Variants in SMYD3 observed in about 807,000 individuals in gnomAD.
The protein encoded by SMYD3 is histone-lysine N-methyltransferase SMYD3.
Under a neutral mutation model 57.7 loss-of-function variants are expected in SMYD3, and 36 were observed. That is an observed-to-expected ratio of 0.62 (90% confidence interval 0.48 to 0.82). The LOEUF (loss-of-function observed/expected upper bound fraction) is 0.82, where lower values mean the gene tolerates loss of function less well. Ranked by LOEUF, SMYD3 falls within the 40% of genes least tolerant of loss-of-function variation. The probability of loss-of-function intolerance (pLI) is 0.00; values close to 1 mark genes in which losing one functional copy is unlikely to be tolerated. For missense variants in SMYD3, 515 were observed against 538.8 expected (o/e 0.96, Z 0.44); for synonymous variants, 211 against 195.0 (o/e 1.08, Z -0.68).
chr1:245,774,390 G>A (rs1424112057), intron 10 of SMYD3, among the ~76,000 whole-genome samples: 1 of 152,164 alleles, frequency 6.6e-6, no homozygotes, highest in African/African-American at 2.4e-5. Context: ...GTTGCAGAGT[G>A]GAAGCTGAAA....
chr1:245,812,837 G>A (rs777352809), intron 10 of SMYD3, among the ~76,000 whole-genome samples: 7 of 151,834 alleles, frequency 4.6e-5, no homozygotes, highest in Non-Finnish European at 1.0e-4. Context: ...TCAGGATATA[G>A]TCATGAATAC....
chr1:246,009,414 T>TG lies in SMYD3; in HGVS notation c.532-79478dup, dbSNP rs1426892866. Among the ~76,000 whole-genome samples the TG allele has an allele frequency of 9.2e-5, 14 of 152,248 alleles. 1 individual carries two copies. Among genetic ancestry groups the TG allele is most frequent in the African/African-American group, 3.1e-4 (13 of 41,466 alleles). ...TACAATCCTAACTTTAATGCATTTT[T>TG]GTCTAAACTAAGAGTCTTCACATTT... is the stretch of plus-strand genomic sequence containing the variant. On this transcript the variant is annotated intron_variant, in intron 5 of 11. Transcript: ENST00000490107.
chr1:246,053,624 C>T (rs1218263013), intron 5 of SMYD3, among the ~76,000 whole-genome samples: 1 of 151,928 alleles, frequency 6.6e-6, no homozygotes, highest in African/African-American at 2.4e-5. Context: ...ATCAAGAAAA[C>T]CCTTATGCCA....
At chr1:245,878,066 G>T (rs2052583125) in intron 8 of SMYD3, among the ~76,000 whole-genome samples, 1 of 148,178 alleles carries the variant, frequency 6.7e-6, no homozygotes, top group African/African-American at 2.4e-5. Context: ...TGGCATCAAT[G>T]GGGAAGAGAC....
intron 8 of SMYD3, among the ~76,000 whole-genome samples, chr1:245,894,123 G>T (rs1022151868): frequency 2.6e-5 from 4 of 152,196 alleles, no homozygotes; most frequent in African/African-American, 9.7e-5. Flanking sequence ...CTTACAAGGG[G>T]ATTGTAAAAT....
chr1:246,407,960 T>G (rs565556732), intron 1 of SMYD3, among the ~76,000 whole-genome samples: 2 of 151,974 alleles, frequency 1.3e-5, no homozygotes, highest in African/African-American at 2.4e-5. Flanking sequence ...GCTCATTCAG[T>G]GTAAATGAAG....
At chr1:246,375,174 T>TA (rs1463996271) in intron 1 of SMYD3, among the ~76,000 whole-genome samples, 2 of 152,118 alleles carry the variant, frequency 1.3e-5, no homozygotes, top group Non-Finnish European at 2.9e-5. Context: ...AGGTGACAAA[T>TA]ATGTTGTGAC....
intron 1 of SMYD3, among the ~76,000 whole-genome samples, chr1:246,406,688 A>G (rs1165476249): frequency 6.6e-6 from 1 of 152,218 alleles, no homozygotes; most frequent in Non-Finnish European, 1.5e-5. Flanking sequence ...TTTATTTTCA[A>G]GTGAAAAAAC....
At chr1:246,153,199 T>C (rs2061971114) in intron 5 of SMYD3, among the ~76,000 whole-genome samples, 1 of 152,060 alleles carries the variant, frequency 6.6e-6, no homozygotes, top group South Asian at 2.1e-4. Flanking sequence ...TGCTACCAAC[T>C]TCCTACCCAA....
At chr1:245,941,182 T>C (rs2057228865) in intron 5 of SMYD3, among the ~76,000 whole-genome samples, 1 of 152,144 alleles carries the variant, frequency 6.6e-6, no homozygotes, top group Non-Finnish European at 1.5e-5. Flanking sequence ...AGACCAAATC[T>C]ACGAATGATT....
chr1:246,064,026 C>G (rs190846480), intron 5 of SMYD3, among the ~76,000 whole-genome samples: 25 of 152,294 alleles, frequency 1.6e-4, no homozygotes, highest in African/African-American at 6.0e-4. Flanking sequence ...GAAATAATCC[C>G]AATTCCTACT....
intron 8 of SMYD3, among the ~76,000 whole-genome samples, chr1:245,867,204 T>C (rs1375325665): frequency 1.3e-5 from 2 of 152,178 alleles, no homozygotes; most frequent in Non-Finnish European, 2.9e-5. Context: ...GTCAGGGTGA[T>C]GTGCTGTGAG....
chr1:246,505,391 TGAGA>T (rs1478167125), intron 1 of SMYD3, among the ~76,000 whole-genome samples: 1 of 151,272 alleles, frequency 6.6e-6, no homozygotes, highest in Non-Finnish European at 1.5e-5. Flanking sequence ...GAAGAATGGT[TGAGA>T]GAATCACTCT....
At chr1:245,855,141 G>A (rs574460856) in intron 10 of SMYD3, among the ~76,000 whole-genome samples, 9 of 152,212 alleles carry the variant, frequency 5.9e-5, no homozygotes, top group East Asian at 1.9e-4. Flanking sequence ...TGTTAATCTC[G>A]CAACAGAAAT....
At chr1:246,017,639 A>C (rs1455201114) in intron 5 of SMYD3, among the ~76,000 whole-genome samples, 1 of 152,140 alleles carries the variant, frequency 6.6e-6, no homozygotes, top group Admixed American at 6.5e-5. Context: ...CAGTCTTATT[A>C]CTGATGTTAT....
chr1:246,364,750 T>G (rs1004915003), intron 1 of SMYD3, among the ~76,000 whole-genome samples: 1 of 152,176 alleles, frequency 6.6e-6, no homozygotes, highest in Non-Finnish European at 1.5e-5. Flanking sequence ...CACCCCCAAG[T>G]GCAGAACTCT....
At chr1:246,089,754 G>T (rs1436012049) in intron 5 of SMYD3, among the ~76,000 whole-genome samples, 1 of 152,126 alleles carries the variant, frequency 6.6e-6, no homozygotes, top group Non-Finnish European at 1.5e-5. Flanking sequence ...GAGATGAGTA[G>T]ACAAAACTTT....
At chr1:246,224,082 T>G (rs1465776395) in intron 5 of SMYD3, among the ~76,000 whole-genome samples, 2 of 152,112 alleles carry the variant, frequency 1.3e-5, no homozygotes, top group Non-Finnish European at 2.9e-5. Flanking sequence ...GTTTTATCTT[T>G]TTTCATACAC....
intron 5 of SMYD3, among the ~76,000 whole-genome samples, chr1:246,228,595 A>C (rs1160968581): frequency 6.6e-6 from 1 of 152,282 alleles, no homozygotes; most frequent in African/African-American, 2.4e-5. Flanking sequence ...ATAAAACCCT[A>C]AACAGCCATA....
Sources: allele counts gnomAD v4.1 joint callset (sites outside exome capture counted in the v4.1 genomes callset), GRCh38; gene constraint gnomAD v4.1.1; transcripts MANE v1.5; gene names NCBI Gene and HGNC (gene_info 2026-07-23, HGNC 2026-07-21).